Variants in TMC1 observed in about 807,000 individuals in gnomAD.
The protein encoded by TMC1 is transmembrane channel-like protein 1.
In TMC1, 84 loss-of-function variants were observed where a neutral mutation model predicts 105.8. That is an observed-to-expected ratio of 0.79 (90% CI 0.67 to 0.95). The LOEUF (loss-of-function observed/expected upper bound fraction) is 0.95, where lower values mean the gene tolerates loss of function less well. Among genes scored for constraint, TMC1 ranks in the 40% least tolerant of loss-of-function variants. TMC1 has a pLI of 0.00. For missense variants in TMC1, 817 were observed against 914.1 expected, an observed-to-expected ratio of 0.89 and a Z score of 1.37; for synonymous variants, 315 against 311.5, an observed-to-expected ratio of 1.01 and a Z score of -0.12.
chr9:72,675,388 C>T (rs1204612216), intron 5 of TMC1, among the ~76,000 whole-genome samples: 1 of 152,112 alleles, frequency 6.6e-6, no homozygotes, highest in East Asian at 1.9e-4. Flanking sequence ...TCTAGTCTTA[C>T]TGTCTAAAAC....
At chr9:72,593,699 C>A (rs1302627879) in intron 2 of TMC1, among the ~76,000 whole-genome samples, 3 of 151,264 alleles carry the variant, frequency 2.0e-5, no homozygotes, top group African/African-American at 4.9e-5. Flanking sequence ...GCCCCAAGAC[C>A]CCCATTTCTA....
rs139756014 is a variant in TMC1, at chr9:72,835,248, A to G, written c.2261-703A>G. 1.4e-4 allele frequency among the ~76,000 whole-genome samples: 22 copies of G among 152,302 alleles called. No individual in the cohort carries two copies. In the East Asian group the frequency reaches 3.7e-3, roughly 25 times the overall value. On this transcript the variant is annotated intron_variant, in intron 23 of 23. Transcript: ENST00000297784. Reference sequence around the variant, plus strand: ...GTTTAGGCAAACCTTTGTATTTCCTACACTAGGAGAACAATGGTTTTATGT... The same window carrying G: ...GTTTAGGCAAACCTTTGTATTTCCTGCACTAGGAGAACAATGGTTTTATGT...
chr9:72,827,511 C>T (rs1375718924), intron 21 of TMC1, among the ~76,000 whole-genome samples: 2 of 152,164 alleles, frequency 1.3e-5, no homozygotes, highest in East Asian at 1.9e-4. Context: ...TGTGTGTTCA[C>T]GATAATAGAA....
At chr9:72,794,495 A>G (rs1341588872) in intron 17 of TMC1, among the ~76,000 whole-genome samples, 5 of 152,194 alleles carry the variant, frequency 3.3e-5, no homozygotes, top group Non-Finnish European at 7.3e-5. Context: ...CACATTCCCC[A>G]AAGCATCAAC....
intron 13 of TMC1, among the ~76,000 whole-genome samples, chr9:72,778,759 A>C (rs1828043800): frequency 6.6e-6 from 1 of 152,086 alleles, no homozygotes; most frequent in Non-Finnish European, 1.5e-5. Context: ...GCCTTTCCTG[A>C]GGTTCATGCC....
intron 5 of TMC1, among the ~76,000 whole-genome samples, chr9:72,675,603 T>C (rs541340030): frequency 2.6e-4 from 40 of 152,302 alleles, no homozygotes; most frequent in African/African-American, 8.4e-4. Flanking sequence ...CTCTGCATGA[T>C]GTAATAGTTA....
chr9:72,655,884 G>A, intron 5 of TMC1: 1 of 771,642 alleles, frequency 1.3e-6, no homozygotes, highest in Admixed American at 1.7e-5. Flanking sequence ...AATACTGATG[G>A]AAGTAATCTG....
intron 2 of TMC1, among the ~76,000 whole-genome samples, chr9:72,589,675 A>C (rs975908840): frequency 2.0e-5 from 3 of 152,072 alleles, no homozygotes; most frequent in African/African-American, 7.2e-5. Flanking sequence ...CCTTTTTCTG[A>C]TTTTGAGAAG....
chr9:72,607,028 A>AGAGAGAG (rs770219292), intron 2 of TMC1, among the ~76,000 whole-genome samples: 3 of 91,078 alleles, frequency 3.3e-5, no homozygotes, highest in African/African-American at 8.4e-5. Flanking sequence ...GAGAGAGAGA[A>AGAGAGAG]AGAGAACTTA....
chr9:72,819,824 A>G (rs1263732086), intron 19 of TMC1, among the ~76,000 whole-genome samples: 1 of 152,262 alleles, frequency 6.6e-6, no homozygotes, highest in Admixed American at 6.5e-5. Flanking sequence ...AGTTTAAAAG[A>G]CAGGGCTCCC....
At chr9:72,776,097 T>G (rs1828001782) in intron 13 of TMC1, among the ~76,000 whole-genome samples, 1 of 152,108 alleles carries the variant, frequency 6.6e-6, no homozygotes, top group African/African-American at 2.4e-5. Context: ...TCCCTGGGAT[T>G]AGATATAATT....
intron 23 of TMC1, among the ~76,000 whole-genome samples, chr9:72,831,598 G>A (rs1051795749): frequency 8.6e-5 from 13 of 151,832 alleles, no homozygotes; most frequent in East Asian, 1.9e-4. Context: ...TCCCCCCACC[G>A]CACGACAGGC....
At chr9:72,541,659 G>C (rs910120766) in intron 1 of TMC1, among the ~76,000 whole-genome samples, 3 of 147,888 alleles carry the variant, frequency 2.0e-5, no homozygotes, top group Admixed American at 6.8e-5. Flanking sequence ...TTGCACTCCA[G>C]CCTGGGCAAT....
At chr9:72,645,032 T>C in intron 4 of TMC1, among the ~76,000 whole-genome samples, 1 of 152,146 alleles carries the variant, frequency 6.6e-6, no homozygotes, top group East Asian at 1.9e-4. Context: ...GGGGAAAATG[T>C]CACATTATCA....
At chr9:72,812,400 T>C (rs1433892398) in intron 18 of TMC1, among the ~76,000 whole-genome samples, 1 of 152,202 alleles carries the variant, frequency 6.6e-6, no homozygotes, top group African/African-American at 2.4e-5. Flanking sequence ...ATTTTAAGTG[T>C]TCCTTGAATA....
intron 2 of TMC1, among the ~76,000 whole-genome samples, chr9:72,608,574 G>T (rs1350411032): frequency 2.0e-5 from 3 of 152,076 alleles, no homozygotes; most frequent in Non-Finnish European, 4.4e-5. Context: ...AGGCTTGGTG[G>T]TGCGTGCCTG....
intron 21 of TMC1, among the ~76,000 whole-genome samples, chr9:72,828,934 A>G (rs1829000202): frequency 6.6e-6 from 1 of 152,220 alleles, no homozygotes; most frequent in South Asian, 2.1e-4. Flanking sequence ...ACCGTTTAAA[A>G]GACAGAAAAA....
At chr9:72,536,499 A>G (rs1165917344) in intron 1 of TMC1, among the ~76,000 whole-genome samples, 2 of 151,946 alleles carry the variant, frequency 1.3e-5, no homozygotes, top group African/African-American at 4.8e-5. Context: ...TGCCTGGCTA[A>G]TTTTTTGTAT....
chr9:72,574,160 G>A (rs1258197066), intron 1 of TMC1, among the ~76,000 whole-genome samples: 1 of 152,216 alleles, frequency 6.6e-6, no homozygotes, highest in Non-Finnish European at 1.5e-5. Context: ...TCTGATTAGA[G>A]AGTGGCCATG....
Sources: gnomAD v4.1 joint callset for allele counts (sites outside exome capture counted in the v4.1 genomes callset) on GRCh38, gnomAD v4.1.1 for gene constraint, MANE v1.5 for transcripts, NCBI Gene and HGNC (gene_info 2026-07-23, HGNC 2026-07-21) for gene names.